Variants in GXYLT2 observed in about 807,000 individuals in gnomAD.
GXYLT2 encodes glycosyltransferase 8 domain containing 4.
A neutral mutation model predicts 45.8 loss-of-function variants in GXYLT2; 53 were observed. The observed-to-expected ratio is 1.16, with a 90% CI of 0.93 to 1.46. The LOEUF is 1.46. Ranked by LOEUF, GXYLT2 falls within the 40% of genes most tolerant of loss-of-function variation. The pLI, the probability that GXYLT2 is intolerant of heterozygous loss-of-function variation, is 0.00. For missense variants in GXYLT2, 551 were observed against 544.4 expected, an observed-to-expected ratio of 1.01 and a Z score of -0.12; for synonymous variants, 219 against 214.2, an observed-to-expected ratio of 1.02 and a Z score of -0.19.
intron 3 of GXYLT2, among the ~76,000 whole-genome samples, chr3:72,942,382 T>C (rs1471681678): frequency 6.6e-5 from 10 of 152,164 alleles, no homozygotes; most frequent in African/African-American, 2.4e-4. Context: ...TAGAAAATCA[T>C]TGTTAGAGCA....
chr3:72,901,804 G>C (rs909081728), intron 1 of GXYLT2, among the ~76,000 whole-genome samples: 2 of 151,552 alleles, frequency 1.3e-5, no homozygotes, highest in Non-Finnish European at 2.9e-5. Flanking sequence ...CAAGTGATCC[G>C]CCCGCCTCAG....
intron 3 of GXYLT2, among the ~76,000 whole-genome samples, chr3:72,936,478 A>G (rs372718567): frequency 3.9e-5 from 6 of 152,018 alleles, no homozygotes; most frequent in Admixed American, 3.9e-4. Context: ...TGTCTCTACT[A>G]AAAATACAAA....
intron 3 of GXYLT2, among the ~76,000 whole-genome samples, chr3:72,927,410 C>A (rs1283158486): frequency 6.6e-6 from 1 of 152,104 alleles, no homozygotes; most frequent in South Asian, 2.1e-4. Flanking sequence ...TTTCTACTTA[C>A]GGCTTGTTAA....
At chr3:72,944,102 T>A (rs1258458402) in intron 3 of GXYLT2, among the ~76,000 whole-genome samples, 2 of 149,726 alleles carry the variant, frequency 1.3e-5, no homozygotes, top group African/African-American at 5.1e-5. Context: ...TGTTTGTTTG[T>A]TTAAAGACAG....
intron 3 of GXYLT2, among the ~76,000 whole-genome samples, chr3:72,944,020 A>G (rs1710352209): frequency 6.6e-6 from 1 of 152,158 alleles, no homozygotes; most frequent in South Asian, 2.1e-4. Context: ...TTGATTTTTT[A>G]TACATCAAGA....
chr3:72,924,933 G>C (rs1251009724), intron 3 of GXYLT2, among the ~76,000 whole-genome samples: 1 of 152,012 alleles, frequency 6.6e-6, no homozygotes, highest in Non-Finnish European at 1.5e-5. Flanking sequence ...TGGTAAAGGG[G>C]TCAAATGAGT....
chr3:72,946,611 G>C (rs1008538215), intron 3 of GXYLT2, among the ~76,000 whole-genome samples: 7 of 152,134 alleles, frequency 4.6e-5, no homozygotes, highest in African/African-American at 1.7e-4. Context: ...TGTGGTGGAA[G>C]GGGTGAGAGA....
chr3:72,934,636 G>A (rs1710143109), intron 3 of GXYLT2, among the ~76,000 whole-genome samples: 1 of 152,194 alleles, frequency 6.6e-6, no homozygotes, highest in African/African-American at 2.4e-5. Context: ...TACGCCTTCA[G>A]ATTGCCTGTT....
intron 3 of GXYLT2, among the ~76,000 whole-genome samples, chr3:72,930,037 GCA>G: frequency 1.3e-5 from 2 of 151,720 alleles, no homozygotes; most frequent in East Asian, 1.9e-4. Context: ...GTGGTGGCGT[GCA>G]CCTGTAATCC....
chr3:72,915,891 C>CCAGCA (rs1246459777), intron 2 of GXYLT2, among the ~76,000 whole-genome samples: 2 of 151,824 alleles, frequency 1.3e-5, no homozygotes, highest in African/African-American at 4.8e-5. Context: ...TGAGGCTGGC[C>CCAGCA]CAGCAGTGTC....
At chr3:72,944,971 A>G (rs183966921) in intron 3 of GXYLT2, among the ~76,000 whole-genome samples, 21 of 152,224 alleles carry the variant, frequency 1.4e-4, no homozygotes, top group Admixed American at 1.3e-3. Context: ...TTCCTTCATG[A>G]ACTTGAGTCT....
Position 72,967,532 on chromosome 3 carries a change from T to A in GXYLT2, c.977-15T>A. The A allele has an allele frequency of 2.5e-6, 4 of 1,609,608 alleles. No individual in the cohort carries two copies. The highest frequency in any genetic ancestry group is 3.4e-6 in the Non-Finnish European group (4 of 1,176,628). On this transcript the variant is annotated splice_polypyrimidine_tract_variant and intron_variant, in intron 5 of 6. Transcript: ENST00000389617. ...CTAACCGTGGACATATATGTCTTTC[T>A]CTTTTTACCACCAGAGTGTCTCTAT...
chr3:72,952,564 A>G (rs188589987), intron 3 of GXYLT2, among the ~76,000 whole-genome samples: 1 of 152,188 alleles, frequency 6.6e-6, no homozygotes, highest in African/African-American at 2.4e-5. Flanking sequence ...AACAAAATAC[A>G]AGACTGGGTG....
intron 3 of GXYLT2, among the ~76,000 whole-genome samples, chr3:72,937,777 G>A (rs1710219522): frequency 6.6e-6 from 1 of 152,090 alleles, no homozygotes; most frequent in African/African-American, 2.4e-5. Context: ...AATGGATAAA[G>A]AAAAAAGAAA....
In GXYLT2 at chr3:72,955,021, C is replaced by T. The variant is rs1015940521; in HGVS notation, c.601-77C>T. On this transcript the variant is annotated intron_variant, in intron 3 of 6. Transcript: ENST00000389617. ...GTAGCATTATTTACCTATCAGGCTA[C>T]TTCCTTTGTTTCTGACCTGTTTTTG... The T allele has an allele frequency of 3.3e-6, 5 of 1,493,346 alleles. No individual in the cohort carries two copies. In the African/African-American group the frequency reaches 4.2e-5, roughly 13 times the overall value. The allele number at this position is 1,493,346 out of a possible 1,614,324, so 92.5% of individuals were successfully genotyped here.
intron 1 of GXYLT2, among the ~76,000 whole-genome samples, chr3:72,902,229 C>A (rs923934969): frequency 2.0e-5 from 3 of 152,110 alleles, no homozygotes; most frequent in Non-Finnish European, 2.9e-5. Flanking sequence ...CATATGGTAC[C>A]TTCTATATTT....
chr3:72,905,418 T>G (rs889934318), intron 1 of GXYLT2, among the ~76,000 whole-genome samples: 4 of 152,226 alleles, frequency 2.6e-5, no homozygotes, highest in African/African-American at 9.6e-5. Flanking sequence ...GGCCTGTTGT[T>G]TTTCATTCTC....
intron 2 of GXYLT2, among the ~76,000 whole-genome samples, chr3:72,910,771 C>G (rs979118053): frequency 6.6e-6 from 1 of 152,224 alleles, no homozygotes; most frequent in Non-Finnish European, 1.5e-5. Flanking sequence ...GGCAGTGACA[C>G]AGGTCTTTCC....
chr3:72,974,893 C>G, intron 6 of GXYLT2, 84 bp from the exon 7 acceptor site: 1 of 1,014,964 alleles, frequency 9.9e-7, no homozygotes, highest in East Asian at 2.4e-5. Flanking sequence ...TATCGTAATT[C>G]CTGTGTCATT....
Sources: allele counts gnomAD v4.1 joint callset (sites outside exome capture counted in the v4.1 genomes callset), GRCh38; gene constraint gnomAD v4.1.1; transcripts MANE v1.5; gene names NCBI Gene and HGNC (gene_info 2026-07-23, HGNC 2026-07-21).